ASB3: variants seen among roughly 807,000 people sequenced by gnomAD.
The protein encoded by ASB3 is ankyrin repeat and SOCS box protein 3.
Under a neutral mutation model 54.5 loss-of-function variants are expected in ASB3, and 41 were observed. The ratio of observed to expected loss-of-function variants is 0.75; its 90% confidence interval spans 0.59 to 0.98. ASB3 has a LOEUF of 0.98. ASB3 is among the 50% of genes least tolerant of loss of function. The pLI, the probability that ASB3 is intolerant of heterozygous loss-of-function variation, is 0.00. For missense variants in ASB3, 733 were observed against 620.0 expected (o/e 1.18, Z -1.94); for synonymous variants, 266 against 221.2 (o/e 1.20, Z -1.80).
chr2:53,708,629 G>T (rs1669923225), intron 7 of ASB3, among the ~76,000 whole-genome samples: 1 of 152,234 alleles, frequency 6.6e-6, no homozygotes, highest in African/African-American at 2.4e-5. Flanking sequence ...CTGGTTAAAT[G>T]GTTGTCACCA....
At chr2:53,753,470 G>T (rs1250648723) in intron 2 of ASB3, among the ~76,000 whole-genome samples, 3 of 152,160 alleles carry the variant, frequency 2.0e-5, no homozygotes, top group Non-Finnish European at 1.5e-5. Flanking sequence ...ATGAATTCAT[G>T]TTTAGCTTAA....
intron 1 of ASB3, among the ~76,000 whole-genome samples, chr2:53,785,912 T>C (rs557017497): frequency 4.6e-5 from 7 of 152,334 alleles, no homozygotes; most frequent in Admixed American, 2.6e-4. Context: ...GTGCTGAATA[T>C]AATTAGCGAA....
chr2:53,726,636 A>G (rs1272019471), intron 5 of ASB3, among the ~76,000 whole-genome samples: 1 of 151,286 alleles, frequency 6.6e-6, no homozygotes, highest in Non-Finnish European at 1.5e-5. Context: ...ATATATACAC[A>G]TATATATACA....
intron 9 of ASB3, among the ~76,000 whole-genome samples, chr2:53,690,038 G>C: frequency 6.6e-6 from 1 of 151,668 alleles, no homozygotes; most frequent in African/African-American, 2.4e-5. Flanking sequence ...GAGTTCAAGA[G>C]CAGCCCGGGT....
In ASB3 at chr2:53,750,773, G is replaced by A; in HGVS notation, c.355+10C>T. 2 of 1,521,530 alleles carry A rather than the reference G, an allele frequency of 1.3e-6. No individual in the cohort carries two copies. The highest frequency in any genetic ancestry group is 2.7e-5 in the South Asian group (2 of 73,350). The allele number at this position is 1,521,530 out of a possible 1,614,324, so 94.3% of individuals were successfully genotyped here. ...AAAAATTGCATCTGCACCACAAATAGCATACTTACCTAAAAACAATGGTGT... is the reference window on the plus strand; with the variant it reads ...AAAAATTGCATCTGCACCACAAATAACATACTTACCTAAAAACAATGGTGT... On this transcript the variant is annotated intron_variant, in intron 3 of 9. Transcript: ENST00000263634.
At chr2:53,767,715 G>C (rs929898714) in intron 1 of ASB3, 2 of 723,768 alleles carry the variant, frequency 2.8e-6, no homozygotes, top group African/African-American at 1.8e-5. Context: ...AGCTGACTGA[G>C]ATCCGCTCGG....
intron 6 of ASB3, 115 bp from the exon 7 acceptor site, chr2:53,714,696 T>C: frequency 1.9e-6 from 2 of 1,079,402 alleles, no homozygotes; most frequent in East Asian, 2.5e-5. Context: ...TAAAGAAATA[T>C]TTCTGTCTAG....
At chr2:53,707,660 A>C (rs538017389) in intron 7 of ASB3, among the ~76,000 whole-genome samples, 176 of 148,962 alleles carry the variant, frequency 1.2e-3, no homozygotes, top group Middle Eastern at 3.6e-3. Context: ...AAAAAAAAAA[A>C]AGAAAGAAAT....
At position 53,730,682 on chromosome 2, in the gene ASB3, T is replaced by C. The variant is rs118114259; in HGVS notation, c.356-1112A>G. Among the ~76,000 whole-genome samples, 47 of 152,318 alleles carry C rather than the reference T, an allele frequency of 3.1e-4. No homozygotes were observed. The East Asian group carries it at 7.7e-3, about 25-fold the overall frequency. On this transcript the variant is annotated intron_variant, in intron 3 of 9. Transcript: ENST00000263634. ...CATCAACTGTGTATACATGTTCCTT[T>C]TTCTCCTCAACCTCGCCAGCACCTG...
At chr2:53,738,336 G>A (rs778852162) in intron 3 of ASB3, among the ~76,000 whole-genome samples, 15 of 152,208 alleles carry the variant, frequency 9.9e-5, no homozygotes, top group Non-Finnish European at 2.2e-4. Context: ...CTACTGTTCA[G>A]TTAAGGATGT....
In ASB3 at chr2:53,750,954, C is replaced by T; in HGVS notation, c.197-13G>A. ...TTTTCAGATGAATCTGTGGAAGAATCAAAGCCCATCAACTAGAAGGTATTA... is the reference window on the plus strand; with the variant it reads ...TTTTCAGATGAATCTGTGGAAGAATTAAAGCCCATCAACTAGAAGGTATTA... On this transcript the variant is annotated splice_polypyrimidine_tract_variant and intron_variant, in intron 2 of 9. Coordinates refer to ENST00000263634, the MANE Select transcript of ASB3 (RefSeq NM_016115.5). 1 of 1,507,340 alleles carries T rather than the reference C, an allele frequency of 6.6e-7. No homozygotes were observed. Among genetic ancestry groups the T allele is most frequent in the Non-Finnish European group, 8.9e-7 (1 of 1,127,410 alleles). The allele number at this position is 1,507,340 out of a possible 1,614,324, so 93.4% of individuals were successfully genotyped here.
chr2:53,715,304 T>A (rs964680286), intron 6 of ASB3, among the ~76,000 whole-genome samples: 1 of 152,134 alleles, frequency 6.6e-6, no homozygotes, highest in Non-Finnish European at 1.5e-5. Context: ...TAAAACTGTA[T>A]AGTTAAAGCC....
intron 1 of ASB3, chr2:53,768,057 C>T (rs1558571050): frequency 7.5e-6 from 12 of 1,607,182 alleles, no homozygotes; most frequent in East Asian, 6.7e-5. Context: ...CTTACTGCCC[C>T]CTGACCCCTG....
intron 5 of ASB3, among the ~76,000 whole-genome samples, chr2:53,726,219 G>C (rs955278314): frequency 6.6e-6 from 1 of 150,778 alleles, no homozygotes. Context: ...CTGACATGAG[G>C]AGAGACATTA....
At chr2:53,680,131 A>T (rs67073722) in intron 9 of ASB3, among the ~76,000 whole-genome samples, 9,587 of 152,048 alleles carry the variant, frequency 0.063, 410 homozygotes, top group East Asian at 0.18. Context: ...CATTTTCTTT[A>T]TGCACTCTAC....
At chr2:53,728,392 G>C (rs2103902708) in intron 5 of ASB3, among the ~76,000 whole-genome samples, 1 of 152,202 alleles carries the variant, frequency 6.6e-6, no homozygotes, top group South Asian at 2.1e-4. Flanking sequence ...GCCTAAACTA[G>C]TCTTACACCC....
chr2:53,775,889 T>C (rs1674306980), intron 1 of ASB3, among the ~76,000 whole-genome samples: 1 of 152,226 alleles, frequency 6.6e-6, no homozygotes, highest in African/African-American at 2.4e-5. Context: ...AACTTTTTTC[T>C]TTATTTTGTC....
chr2:53,785,026 A>C (rs1674859987), intron 1 of ASB3, among the ~76,000 whole-genome samples: 1 of 152,110 alleles, frequency 6.6e-6, no homozygotes, highest in South Asian at 2.1e-4. Flanking sequence ...CTTACACTCC[A>C]GCCACACTGG....
Position 53,769,730 on chromosome 2 carries a change from C to A in ASB3, c.-13-4145G>T, listed in dbSNP as rs189026031. Among the ~76,000 whole-genome samples, 3 of 152,332 alleles carry A rather than the reference C, an allele frequency of 2.0e-5. No individual in the cohort carries two copies. The East Asian group carries it at 5.8e-4, about 29-fold the overall frequency. ...GCGTGGTGGCGCACGCCAGTAGAGT[C>A]CCAGCTACTCTGGAGGCTGAGGCAG... On this transcript the variant is annotated intron_variant, in intron 1 of 9. Coordinates refer to ENST00000263634, the MANE Select transcript of ASB3 (RefSeq NM_016115.5).
Sources: allele counts gnomAD v4.1 joint callset (sites outside exome capture counted in the v4.1 genomes callset), GRCh38; gene constraint gnomAD v4.1.1; transcripts MANE v1.5; gene names NCBI Gene and HGNC (gene_info 2026-07-23, HGNC 2026-07-21).